Variants in EPM2A observed in about 807,000 individuals in gnomAD.
EPM2A encodes the protein EPM2A glucan phosphatase, laforin, also known as laforin.
EPM2A carries 21 observed loss-of-function variants against 26.5 expected under a neutral mutation model. The ratio of observed to expected loss-of-function variants is 0.79; its 90% CI spans 0.56 to 1.14. The LOEUF is 1.14. Ranked by LOEUF, EPM2A falls within the 50% of genes most tolerant of loss-of-function variation. The pLI is 0.00. For missense variants in EPM2A, 458 were observed against 440.8 expected (o/e 1.04, Z -0.35); for synonymous variants, 217 against 177.6 (o/e 1.22, Z -1.76).
At chr6:145,473,075 C>T (rs1436350797) in intron 4 of EPM2A, among the ~76,000 whole-genome samples, 1 of 151,856 alleles carries the variant, frequency 6.6e-6, no homozygotes, top group African/African-American at 2.4e-5. Context: ...AGGGAACAAT[C>T]CTGGAGAAAC....
intron 2 of EPM2A, among the ~76,000 whole-genome samples, chr6:145,509,080 T>C (rs151213238): frequency 2.8e-4 from 43 of 152,216 alleles, no homozygotes; most frequent in African/African-American, 1.0e-3. Context: ...TTTTGAGAAA[T>C]ATAGGATTAT....
chr6:145,694,829 A>T (rs1201436465), intron 1 of EPM2A, among the ~76,000 whole-genome samples: 1 of 151,960 alleles, frequency 6.6e-6, no homozygotes, highest in African/African-American at 2.4e-5. Flanking sequence ...TCACAAACAG[A>T]TTTCTAGAGT....
chr6:145,463,526 A>T (rs1425145743), intron 4 of EPM2A: 1 of 151,980 alleles, frequency 6.6e-6, no homozygotes, highest in Non-Finnish European at 1.5e-5. Flanking sequence ...ACCAAATGTC[A>T]TAATTCTATA....
Position 145,474,651 on chromosome 6 carries a change from G to A in EPM2A, c.555+27871C>T, listed in dbSNP as rs1423845276. Among the ~76,000 whole-genome samples, 6 of 152,198 alleles carry A rather than the reference G, an allele frequency of 3.9e-5. No homozygotes were observed. The East Asian group carries it at 1.2e-3, about 29-fold the overall frequency. ...AATTAAACTAAAGAGCTTCTGCACA[G>A]CAAAAGAAACTATTATCAGATTGAA... On this transcript the variant is annotated intron_variant, in intron 4 of 4. Transcript: ENST00000638717.
intron 4 of EPM2A, among the ~76,000 whole-genome samples, chr6:145,458,409 A>G (rs1275258525): frequency 1.3e-5 from 2 of 152,202 alleles, no homozygotes; most frequent in Non-Finnish European, 2.9e-5. Flanking sequence ...GCTCACAGGC[A>G]GAGAACAACC....
chr6:145,406,023 A>G (rs1033641231), intron 4 of EPM2A, among the ~76,000 whole-genome samples: 1 of 147,940 alleles, frequency 6.8e-6, no homozygotes, highest in Non-Finnish European at 1.5e-5. Flanking sequence ...CAACAGACAG[A>G]CACACACACA....
At chr6:145,612,586 T>C (rs1775413949) in intron 2 of EPM2A, among the ~76,000 whole-genome samples, 1 of 151,896 alleles carries the variant, frequency 6.6e-6, no homozygotes, top group South Asian at 2.1e-4. Flanking sequence ...TACTGCAGAT[T>C]TGGTGCCAGA....
chr6:145,716,578 C>T (rs777418197), intron 1 of EPM2A, among the ~76,000 whole-genome samples: 4 of 152,154 alleles, frequency 2.6e-5, no homozygotes, highest in Non-Finnish European at 5.9e-5. Flanking sequence ...GACCCTACCC[C>T]TATCCTGGAG....
chr6:145,460,497 T>C (rs1275962024), intron 4 of EPM2A, among the ~76,000 whole-genome samples: 6 of 152,156 alleles, frequency 3.9e-5, no homozygotes, highest in Non-Finnish European at 7.4e-5. Context: ...GATAAGTATA[T>C]ATAAAGAAAA....
At chr6:145,676,256 C>G (rs987732824) in intron 2 of EPM2A, among the ~76,000 whole-genome samples, 1 of 152,184 alleles carries the variant, frequency 6.6e-6, no homozygotes, top group South Asian at 2.1e-4. Context: ...ATACCAGAAT[C>G]TCTGGGACAC....
chr6:145,422,204 G>A (rs926421559), intron 4 of EPM2A, among the ~76,000 whole-genome samples: 35 of 144,196 alleles, frequency 2.4e-4, no homozygotes, highest in African/African-American at 8.0e-4. Context: ...AATTATAGAA[G>A]TATATAGATC....
chr6:145,490,715 T>C (rs746545134), intron 4 of EPM2A: 1 of 571,562 alleles, frequency 1.7e-6, no homozygotes, highest in South Asian at 1.5e-5. Context: ...AATGAACCAT[T>C]ACATTTCTCA....
chr6:145,581,017 C>T (rs941342205), intron 2 of EPM2A, among the ~76,000 whole-genome samples: 1 of 152,036 alleles, frequency 6.6e-6, no homozygotes, highest in East Asian at 1.9e-4. Flanking sequence ...GATTTATATT[C>T]CTTTGGGTAT....
chr6:145,734,177 CAG>C (rs1776674832), intron 1 of EPM2A, among the ~76,000 whole-genome samples: 1 of 152,124 alleles, frequency 6.6e-6, no homozygotes, highest in Non-Finnish European at 1.5e-5. Context: ...CTGTTTACGA[CAG>C]AGGAAAACTG....
intron 2 of EPM2A, among the ~76,000 whole-genome samples, chr6:145,659,961 G>A (rs920898709): frequency 1.3e-5 from 2 of 152,016 alleles, no homozygotes; most frequent in African/African-American, 2.4e-5. Flanking sequence ...TAGCAGAGTC[G>A]CTTTGAACCT....
intron 1 of EPM2A, among the ~76,000 whole-genome samples, chr6:145,691,822 A>G (rs1238531998): frequency 6.6e-6 from 1 of 152,086 alleles, no homozygotes; most frequent in African/African-American, 2.4e-5. Context: ...CCACACAATC[A>G]GAGAAAAAGG....
intron 4 of EPM2A, among the ~76,000 whole-genome samples, chr6:145,394,937 G>T (rs1370455466): frequency 6.6e-6 from 1 of 152,076 alleles, no homozygotes; most frequent in African/African-American, 2.4e-5. Flanking sequence ...ATACATTTAT[G>T]CTCTCCCTCA....
At chr6:145,404,418 T>C (rs1001813056) in intron 4 of EPM2A, among the ~76,000 whole-genome samples, 4 of 151,488 alleles carry the variant, frequency 2.6e-5, no homozygotes, top group African/African-American at 7.3e-5. Flanking sequence ...TGTAAATTGT[T>C]TTTTTAAATG....
chr6:145,581,475 G>A (rs1397433486), intron 2 of EPM2A, among the ~76,000 whole-genome samples: 1 of 152,006 alleles, frequency 6.6e-6, no homozygotes, highest in African/African-American at 2.4e-5. Context: ...AGTTTATTTT[G>A]CTGTGCAGAA....
Sources: allele counts gnomAD v4.1 joint callset (sites outside exome capture counted in the v4.1 genomes callset), GRCh38; gene constraint gnomAD v4.1.1; transcripts MANE v1.5; gene names NCBI Gene and HGNC (gene_info 2026-07-23, HGNC 2026-07-21).